Variants in DNAH10 observed in about 807,000 individuals in gnomAD.
The protein encoded by DNAH10 is axonemal beta dynein heavy chain 10.
Under a neutral mutation model 506.6 loss-of-function variants are expected in DNAH10, and 348 were observed. The ratio of observed to expected loss-of-function variants is 0.69; its 90% confidence interval spans 0.63 to 0.75. DNAH10 has a LOEUF of 0.75. Ranked by LOEUF, DNAH10 falls within the 30% of genes least tolerant of loss-of-function variation. The probability of loss-of-function intolerance (pLI) is 0.00; values close to 1 mark genes in which losing one functional copy is unlikely to be tolerated. For missense variants in DNAH10, 5,179 were observed against 5,787.1 expected, an observed-to-expected ratio of 0.89 and a Z score of 3.41; for synonymous variants, 2,059 against 2,198.6, an observed-to-expected ratio of 0.94 and a Z score of 1.78.
chr12:123,924,036 T>C, intron 66 of DNAH10, 169 bp downstream of exon 66: 3 of 737,126 alleles, frequency 4.1e-6, no homozygotes, highest in Non-Finnish European at 4.3e-6. Context: ...CAGAAATGGC[T>C]CTGGTTGAAA....
chr12:123,762,880 A>ATTT lies in DNAH10; in HGVS notation c.214+332_214+334dup, dbSNP rs1019634656. On this transcript the variant is annotated intron_variant, in intron 1 of 78. Transcript: ENST00000673944. This position sits in a 1 kb window ranked among gnomAD's most constrained non-coding sequence, Gnocchi z 5.0. ...ACGAGGCGGGTGTATCCTCATCCCTATTTTACAGATGAGCAAACTGGCACG... is the reference window on the plus strand; with the variant it reads ...ACGAGGCGGGTGTATCCTCATCCCTATTTTTTTACAGATGAGCAAACTGGCACG... 6.6e-6 allele frequency among the ~76,000 whole-genome samples: 1 copy of ATTT among 152,108 alleles called. No individual in the cohort carries two copies. The highest frequency in any genetic ancestry group is 1.5e-5 in the Non-Finnish European group (1 of 68,004).
intron 78 of DNAH10, chr12:123,935,020 C>G (rs1267980626): frequency 1.6e-6 from 1 of 609,840 alleles, no homozygotes; most frequent in Non-Finnish European, 2.9e-6. Flanking sequence ...TCTAGACTAA[C>G]CAAGGGGAGA....
At chr12:123,891,487 T>A (rs1160758113) in intron 52 of DNAH10, among the ~76,000 whole-genome samples, 1 of 152,128 alleles carries the variant, frequency 6.6e-6, no homozygotes, top group Non-Finnish European at 1.5e-5. Context: ...GTCACTGACA[T>A]GTGGTGGGAC....
chr12:123,799,509 A>C (rs1594056088), intron 14 of DNAH10, 138 bp downstream of exon 14: 1 of 1,232,442 alleles, frequency 8.1e-7, no homozygotes, highest in Non-Finnish European at 1.1e-6. Flanking sequence ...CTAGGGGAGG[A>C]GGAGAAAGGA....
In DNAH10 at chr12:123,794,179, C is replaced by A; in HGVS notation, c.1986+67C>A. 4 of 1,011,062 alleles carry A rather than the reference C, an allele frequency of 4.0e-6. No individual in the cohort carries two copies. The South Asian group carries it at 1.1e-4, about 27-fold the overall frequency. 62.6% of individuals were successfully genotyped at this position (1,011,062 alleles called of 1,614,324 possible). On this transcript the variant is annotated intron_variant, in intron 12 of 78. Coordinates refer to ENST00000673944, the MANE Select transcript of DNAH10 (RefSeq NM_001372106.1). ...CTTGGCAAAATGTGAACAATTGAAT[C>A]CCACTATTGTCTGTCTTTCCCATCT...
chr12:123,928,261 C>G lies in DNAH10; in HGVS notation c.12106-126C>G. The G allele has an allele frequency of 9.3e-7, 1 of 1,075,576 alleles. No homozygotes were observed. The highest frequency in any genetic ancestry group is 2.6e-5 in the East Asian group (1 of 38,636). The allele number at this position is 1,075,576 out of a possible 1,614,324, so 66.6% of individuals were successfully genotyped here. ...AGGCTCCACCTGTAGCTCCTGGATC[C>G]TCGGCTTGCTTTTGGCTTCTGCTGG... is the stretch of plus-strand genomic sequence containing the variant. On this transcript the variant is annotated intron_variant, in intron 69 of 78. Transcript: ENST00000673944. The surrounding 1 kb of genome is among the most constrained non-coding windows in gnomAD (Gnocchi z 4.9).
chr12:123,852,722 C>T (rs1056539959), intron 35 of DNAH10, among the ~76,000 whole-genome samples: 5 of 152,040 alleles, frequency 3.3e-5, no homozygotes, highest in South Asian at 4.1e-4. Flanking sequence ...TATAGGCATG[C>T]GCCACCACGC....
intron 7 of DNAH10, among the ~76,000 whole-genome samples, chr12:123,783,467 A>T (rs917964028): frequency 6.6e-6 from 1 of 152,244 alleles, no homozygotes. Flanking sequence ...GCCTGGATTG[A>T]TAAAGATAAC....
chr12:123,882,951 A>C (rs1259350392), intron 51 of DNAH10, among the ~76,000 whole-genome samples: 1 of 152,074 alleles, frequency 6.6e-6, no homozygotes, highest in Non-Finnish European at 1.5e-5. Context: ...TAGTCTTCCT[A>C]TTCTAGACTT....
At position 123,877,859 on chromosome 12, in the gene DNAH10, C is replaced by G; in HGVS notation, c.8323C>G (p.Arg2775Gly). 1 of 1,614,034 alleles carries G rather than the reference C, an allele frequency of 6.2e-7. No individual in the cohort carries two copies. The highest frequency in any genetic ancestry group is 1.3e-5 in the African/African-American group (1 of 75,046). Residue 2775 changes from arginine (R) to glycine (G), a missense_variant, in exon 48 of 79, where the codon CGA becomes GGA. By Grantham distance (125) the Arg-to-Gly change is moderately radical (BLOSUM62 -2). Coordinates refer to ENST00000673944, the MANE Select transcript of DNAH10 (RefSeq NM_001372106.1). ...PSKFHYIFNLRDLSRVFNGLV... is the reference protein window; with the variant it reads ...PSKFHYIFNLGDLSRVFNGLV... ...AAAGTTCCATTACATCTTCAACCTT[C>G]GAGATCTCTCACGGGTTTTTAATGG...
intron 51 of DNAH10, among the ~76,000 whole-genome samples, chr12:123,882,515 G>A (rs1047376006): frequency 2.0e-5 from 3 of 152,250 alleles, no homozygotes; most frequent in African/African-American, 2.4e-5. Flanking sequence ...GGCTTCGGCC[G>A]GGCGTGGTGG....
chr12:123,854,552 T>G (rs1316620357), intron 36 of DNAH10, among the ~76,000 whole-genome samples: 2 of 152,148 alleles, frequency 1.3e-5, no homozygotes, highest in African/African-American at 4.8e-5. Flanking sequence ...TGAAAACACA[T>G]TGCAAATACC....
rs762221099 is a variant in DNAH10 at position 123,933,463 on chromosome 12, G to A, written c.13429G>A (p.Val4477Met). 3.1e-6 allele frequency: 5 copies of A among 1,612,282 alleles called. No individual in the cohort carries two copies. Among genetic ancestry groups the A allele is most frequent in the Non-Finnish European group, 4.2e-6 (5 of 1,179,408 alleles). The change falls in exon 77 of 79, where the codon GTG (valine) becomes ATG (methionine). Residue 4477 changes from valine (V) to methionine (M), a missense_variant. Physicochemically the swap from Val to Met is conservative, Grantham distance 21. Around this residue, in one of 3 missense-constraint regions of DNAH10, gnomAD observed 4,844 missense variants for 5,430.5 expected, o/e 0.89. Transcript: ENST00000673944. ...PLDRSTLFTQ[V>M]TKFQDADEVN... is the part of the protein sequence containing the mutation. The stretch of plus-strand genomic sequence containing the variant: ...GGACCGCTCCACCTTGTTCACACAA[G>A]TGACCAAGTTCCAGGATGCAGATGA...
intron 6 of DNAH10, among the ~76,000 whole-genome samples, chr12:123,782,411 CTTTTTTT>C (rs935250437): frequency 1.0e-4 from 9 of 86,048 alleles, no homozygotes; most frequent in African/African-American, 4.2e-4. Flanking sequence ...TTCTTTCTTT[CTTTTTTT>C]TTTTTTTTTT....
In DNAH10 at chr12:123,892,642, C is replaced by G. The variant is rs1434976062; in HGVS notation, c.8996-591C>G. 2.0e-5 allele frequency among the ~76,000 whole-genome samples: 3 copies of G among 152,238 alleles called. No homozygotes were observed. The East Asian group carries it at 5.8e-4, about 29-fold the overall frequency. On this transcript the variant is annotated intron_variant, in intron 52 of 78. Coordinates refer to ENST00000673944, the MANE Select transcript of DNAH10 (RefSeq NM_001372106.1). ...CCGTGGCCTGCCACGTTAACTCTTC[C>G]CTGCACAGGAGAACGTCAGAGATGG...
chr12:123,772,878 C>T lies in DNAH10; in HGVS notation c.441C>T (p.Leu147=), dbSNP rs866082542. ...TGGAAAAGATGCATCTCCACATGCT[C>T]TGTACCCCTCTTCCCGAGGAGTTCC... is the stretch of plus-strand genomic sequence containing the variant. ...HIMEKMHLHM[L]CTPLPEEFLD... is the part of the protein sequence containing the mutation. The change falls in exon 4 of 79, where the codon CTC becomes CTT. Residue 147 remains leucine (L), a synonymous_variant. Coordinates refer to ENST00000673944, the MANE Select transcript of DNAH10 (RefSeq NM_001372106.1). 1 of 1,612,844 alleles carries T rather than the reference C, an allele frequency of 6.2e-7. No homozygotes were observed. The highest frequency in any genetic ancestry group is 1.1e-5 in the South Asian group (1 of 90,808).
intron 22 of DNAH10, 38 bp from the exon 23 acceptor site, chr12:123,819,107 AACG>A: frequency 6.2e-7 from 1 of 1,603,982 alleles, no homozygotes; most frequent in Non-Finnish European, 8.5e-7. Context: ...GACATTGAAA[AACG>A]TATTTGGGCT....
chr12:123,832,341 CACATAT>C (rs1408062257), intron 26 of DNAH10, among the ~76,000 whole-genome samples: 2 of 152,026 alleles, frequency 1.3e-5, no homozygotes, highest in African/African-American at 4.8e-5. Context: ...ATAATGTACA[CACATAT>C]ACATATACAC....
chr12:123,762,611 G>A lies in DNAH10; in HGVS notation c.214+61G>A. 3 of 1,483,148 alleles carry A rather than the reference G, an allele frequency of 2.0e-6. No homozygotes were observed. Among genetic ancestry groups the A allele is most frequent in the East Asian group, 2.7e-5 (1 of 37,092 alleles). The allele number at this position is 1,483,148 out of a possible 1,614,324, so 91.9% of individuals were successfully genotyped here. On this transcript the variant is annotated intron_variant, in intron 1 of 78. Coordinates refer to ENST00000673944, the MANE Select transcript of DNAH10 (RefSeq NM_001372106.1). The surrounding 1 kb of genome is among the most constrained non-coding windows in gnomAD (Gnocchi z 5.0). ...CCCTCCTGCCCGTCCCGGCCTCTCC[G>A]GCGGGCGCCGGGGCTGCTAGAGCCT...
Sources: allele counts gnomAD v4.1 joint callset (sites outside exome capture counted in the v4.1 genomes callset), GRCh38; gene constraint gnomAD v4.1.1; regional missense constraint gnomAD v4.1.1; non-coding constraint Gnocchi (gnomAD v3.1); transcripts MANE v1.5; gene names NCBI Gene and HGNC (gene_info 2026-07-23, HGNC 2026-07-21).